AMMECR1: variants seen among roughly 807,000 people sequenced by gnomAD.
AMMECR1 encodes the protein AMMECR nuclear protein 1, also known as nuclear protein AMMECR1.
AMMECR1 carries 3 observed loss-of-function variants against 22.5 expected under a neutral mutation model. The observed-to-expected ratio is 0.13, with a 90% confidence interval of 0.06 to 0.35. The LOEUF (loss-of-function observed/expected upper bound fraction) is 0.35, where lower values mean the gene tolerates loss of function less well. Ranked by LOEUF, AMMECR1 falls within the 10% of genes least tolerant of loss-of-function variation. The pLI, the probability that AMMECR1 is intolerant of heterozygous loss-of-function variation, is 1.00. For missense variants in AMMECR1, 235 were observed against 278.7 expected (o/e 0.84, Z 1.12); for synonymous variants, 130 against 116.7 (o/e 1.11, Z -0.74).
chrX:110,200,868 T>C, intron 5 of AMMECR1, 86 bp downstream of exon 5: 1 of 647,470 alleles, frequency 1.5e-6, no homozygotes, highest in Non-Finnish European at 2.4e-6. Flanking sequence ...AGAAGTGTAG[T>C]TAGAGAGACC....
intron 1 of AMMECR1, among the ~76,000 whole-genome samples, chrX:110,275,832 A>AAAAT (rs905332755): frequency 1.6e-4 from 18 of 111,366 alleles, no homozygotes; most frequent in African/African-American, 4.6e-4. Context: ...CTCCGTCTCA[A>AAAAT]AAATAAATAA....
intron 2 of AMMECR1, among the ~76,000 whole-genome samples, chrX:110,222,235 G>T: frequency 1.2e-5 from 1 of 84,256 alleles, no homozygotes. Context: ...AGAAAATGTG[G>T]CACATATACA....
chrX:110,367,674 T>A (rs1442874509), intron 2 of AMMECR1, among the ~76,000 whole-genome samples: 2 of 111,439 alleles, frequency 1.8e-5, no homozygotes, highest in Admixed American at 1.9e-4. Flanking sequence ...ACTATTTTCC[T>A]TATACCTGCT....
intron 1 of AMMECR1, among the ~76,000 whole-genome samples, chrX:110,293,488 GACCATAGTATT>G (rs2067919305): frequency 9.0e-6 from 1 of 111,211 alleles, no homozygotes; most frequent in African/African-American, 3.3e-5. Context: ...AAGAGCAAAG[GACCATAGTATT>G]ACCTGTACCT....
rs190404914 is a variant in AMMECR1, at chrX:110,243,151, G to A, written c.584+21338C>T. 1.1e-4 allele frequency among the ~76,000 whole-genome samples: 12 copies of A among 112,078 alleles called. 1 individual carries two copies. In the Admixed American group the frequency reaches 1.1e-3, roughly 11 times the overall value. ...TGCTCAAAACTGAGTGATCCCAGAA[G>A]ATAGCTGGAAATGTTAATTCCTTTG... On this transcript the variant is annotated intron_variant, in intron 2 of 5. Coordinates refer to ENST00000262844, the MANE Select transcript of AMMECR1 (RefSeq NM_015365.3).
chrX:110,313,231 C>T (rs1316389532), intron 1 of AMMECR1, among the ~76,000 whole-genome samples: 1 of 112,059 alleles, frequency 8.9e-6, no homozygotes, highest in African/African-American at 3.2e-5. Flanking sequence ...GTCTCAAAAT[C>T]TGCATATGCG....
At chrX:110,296,395 T>G (rs1349896477) in intron 1 of AMMECR1, among the ~76,000 whole-genome samples, 1 of 111,779 alleles carries the variant, frequency 8.9e-6, no homozygotes, top group Non-Finnish European at 1.9e-5. Context: ...TATCCTACTT[T>G]GAGTACATGG....
intron 2 of AMMECR1, among the ~76,000 whole-genome samples, chrX:110,398,412 C>T (rs2148293825): frequency 8.9e-6 from 1 of 112,460 alleles, no homozygotes; most frequent in East Asian, 2.8e-4. Context: ...TGCCCTTCTT[C>T]CCATTAAAAA....
At chrX:110,211,609 A>G (rs2067448204) in intron 3 of AMMECR1, among the ~76,000 whole-genome samples, 1 of 112,511 alleles carries the variant, frequency 8.9e-6, no homozygotes, top group African/African-American at 3.2e-5. Flanking sequence ...AACACAGAAC[A>G]ATGGTGATGA....
chrX:110,303,485 T>C (rs1351134205), intron 1 of AMMECR1, among the ~76,000 whole-genome samples: 3 of 111,907 alleles, frequency 2.7e-5, no homozygotes, highest in Non-Finnish European at 5.6e-5. Context: ...TTAAGAAAGA[T>C]TTACGGATAT....
intron 2 of AMMECR1, among the ~76,000 whole-genome samples, chrX:110,229,715 G>T (rs772298182): frequency 7.8e-4 from 87 of 112,135 alleles, no homozygotes; most frequent in Non-Finnish European, 1.1e-3. Context: ...TGACTCACCC[G>T]GGAAGCGCAA....
At chrX:110,375,964 C>T (rs764270749) in intron 2 of AMMECR1, among the ~76,000 whole-genome samples, 1 of 111,359 alleles carries the variant, frequency 9.0e-6, no homozygotes, top group Non-Finnish European at 1.9e-5. Flanking sequence ...TACAGTAATG[C>T]TATGTCCTGT....
intron 2 of AMMECR1, among the ~76,000 whole-genome samples, chrX:110,352,004 G>A (rs58250548): frequency 0.035 from 3,967 of 111,936 alleles, 156 homozygotes; most frequent in African/African-American, 0.12. Context: ...TTAGAGAAAT[G>A]CAAACCCAAA....
rs2068344075 is a variant in AMMECR1 at position 110,372,224 on chromosome X, T to C, written c.-147-54375A>G. On this transcript the variant is annotated intron_variant, in intron 2 of 7. Coordinates refer to the AMMECR1 transcript ENST00000372057. Reference sequence around the variant, plus strand: ...TGTTTGGTGAGTATTGGTTATCTTTTTTGCTTTGTGAGGAGGATATAAAAT... The same window carrying C: ...TGTTTGGTGAGTATTGGTTATCTTTCTTGCTTTGTGAGGAGGATATAAAAT... Among the ~76,000 whole-genome samples, 3 of 112,755 alleles carry C rather than the reference T, an allele frequency of 2.7e-5. No homozygotes were observed. The Admixed American group carries it at 2.8e-4, about 11-fold the overall frequency.
At chrX:110,377,501 A>G (rs939082023) in intron 2 of AMMECR1, among the ~76,000 whole-genome samples, 8 of 112,059 alleles carry the variant, frequency 7.1e-5, no homozygotes, top group Non-Finnish European at 1.3e-4. Flanking sequence ...AAGCACTCCA[A>G]TCAAACTATT....
At chrX:110,386,594 GAT>G (rs909312514) in intron 2 of AMMECR1, among the ~76,000 whole-genome samples, 2 of 111,505 alleles carry the variant, frequency 1.8e-5, no homozygotes, top group African/African-American at 6.5e-5. Context: ...TCTCTTGTCA[GAT>G]ATATGTTTGT....
chrX:110,219,445 TTTG>T (rs774306419), intron 2 of AMMECR1: 17 of 751,194 alleles, frequency 2.3e-5, no homozygotes, highest in Non-Finnish European at 2.7e-5. Context: ...GGCAAGTTAT[TTTG>T]TTTAGTTCAT....
chrX:110,198,727 A>G, intron 5 of AMMECR1, 93 bp from the exon 6 acceptor site: 1 of 613,864 alleles, frequency 1.6e-6, no homozygotes, highest in South Asian at 2.5e-5. Flanking sequence ...ATAATTTTAT[A>G]GATCAGGAAA....
At position 110,279,715 on chromosome X, in the gene AMMECR1, G is replaced by A. The variant is rs992558049; in HGVS notation, c.474-15116C>T. ...CTGGTTATGAATATATCAACTTTGT[G>A]TATGTAAATAAAAGTTATTTTATAC... On this transcript the variant is annotated intron_variant, in intron 1 of 5. Transcript: ENST00000262844. Among the ~76,000 whole-genome samples the A allele has an allele frequency of 6.3e-5, 7 of 111,898 alleles. No homozygotes were observed. In the Admixed American group the frequency reaches 6.7e-4, roughly 11 times the overall value.
Sources: gnomAD v4.1 joint callset for allele counts (sites outside exome capture counted in the v4.1 genomes callset) on GRCh38, gnomAD v4.1.1 for gene constraint, MANE v1.5 for transcripts, NCBI Gene and HGNC (gene_info 2026-07-23, HGNC 2026-07-21) for gene names.